BPTF: variants seen among roughly 807,000 people sequenced by gnomAD.
BPTF encodes the protein nucleosome-remodeling factor subunit BPTF.
A neutral mutation model predicts 292.5 loss-of-function variants in BPTF; 18 were observed. The ratio of observed to expected loss-of-function variants is 0.06; its 90% confidence interval spans 0.04 to 0.09. BPTF has a LOEUF of 0.09. Among genes scored for constraint, BPTF ranks in the 10% least tolerant of loss-of-function variants. The pLI, the probability that BPTF is intolerant of heterozygous loss-of-function variation, is 1.00. For missense variants in BPTF, 2,726 were observed against 3,498.7 expected, an observed-to-expected ratio of 0.78 and a Z score of 5.57; for synonymous variants, 1,225 against 1,251.9, an observed-to-expected ratio of 0.98 and a Z score of 0.45.
chr17:67,948,585 T>G (rs1254598217), intron 23 of BPTF, among the ~76,000 whole-genome samples: 2 of 152,220 alleles, frequency 1.3e-5, no homozygotes, highest in African/African-American at 2.4e-5. Flanking sequence ...GCTTTTCATG[T>G]CTATGACATA....
At chr17:67,934,221 G>A (rs955575655) in intron 18 of BPTF, among the ~76,000 whole-genome samples, 36 of 151,702 alleles carry the variant, frequency 2.4e-4, no homozygotes, top group African/African-American at 6.3e-4. Flanking sequence ...AGATGTGTTA[G>A]GAAATAAAAG....
At chr17:67,966,791 A>G in intron 26 of BPTF, 135 bp downstream of exon 26, 1 of 771,324 alleles carries the variant, frequency 1.3e-6, no homozygotes, top group East Asian at 3.2e-5. Flanking sequence ...TGGAGGGTAA[A>G]TTGTTAGTAT....
At chr17:67,853,598 A>G (rs929204556) in intron 1 of BPTF, among the ~76,000 whole-genome samples, 3 of 150,524 alleles carry the variant, frequency 2.0e-5, no homozygotes, top group Non-Finnish European at 4.4e-5. Context: ...GCAGTTATTT[A>G]TTATTATTAT....
intron 11 of BPTF, among the ~76,000 whole-genome samples, chr17:67,917,176 G>A (rs1020531144): frequency 7.6e-5 from 9 of 119,006 alleles, no homozygotes; most frequent in South Asian, 2.7e-4. Context: ...ACTGCCGCCC[G>A]AGGTGGAGTG....
chr17:67,912,439 T>G lies in BPTF; in HGVS notation c.4555T>G (p.Ser1519Ala). ...ESDSTQTTTP[S>A]ASCPESNSVN... ...TGACAGTACACAGACGACCACACCC[T>G]CAGCATCTTGTCCAGAAAGCAATTC... is the stretch of plus-strand genomic sequence containing the variant. Residue 1519 changes from serine (S) to alanine (A), a missense_variant, in exon 11 of 28, where the codon TCA becomes GCA. By Grantham distance (99) the Ser-to-Ala change is moderately conservative. Transcript: ENST00000306378. The G allele has an allele frequency of 6.2e-7, 1 of 1,613,582 alleles. No homozygotes were observed. The highest frequency in any genetic ancestry group is 8.5e-7 in the Non-Finnish European group (1 of 1,179,902).
intron 16 of BPTF, 130 bp downstream of exon 16, chr17:67,928,731 G>GT (rs2064121346): frequency 2.5e-6 from 3 of 1,207,946 alleles, no homozygotes; most frequent in Admixed American, 2.9e-5. Context: ...CAAACAAGCT[G>GT]TAACGGTTGG....
Position 67,971,587 on chromosome 17 carries a change from TGAGTTCAA to T in BPTF, c.8540-4174_8540-4167del, listed in dbSNP as rs573613435. Reference sequence around the variant, plus strand: ...TTGGGAGGCTGAGGCAGGCGGATCATGAGTTCAAGAGTTCAAGACCAGCCTGGCCAACA... The same window carrying T: ...TTGGGAGGCTGAGGCAGGCGGATCATGAGTTCAAGACCAGCCTGGCCAACA... On this transcript the variant is annotated intron_variant, in intron 26 of 27. Coordinates refer to ENST00000306378, the MANE Select transcript of BPTF (RefSeq NM_182641.4). Among the ~76,000 whole-genome samples the T allele has an allele frequency of 2.1e-3, 321 of 151,914 alleles. 1 individual carries two copies. The highest frequency in any genetic ancestry group is 7.2e-3 in the African/African-American group (297 of 41,464).
At chr17:67,901,969 C>T (rs922767755) in intron 7 of BPTF, among the ~76,000 whole-genome samples, 1 of 152,218 alleles carries the variant, frequency 6.6e-6, no homozygotes, top group Non-Finnish European at 1.5e-5. Flanking sequence ...CCACAAAACC[C>T]TGAGCACCAG....
rs2147171270 is a variant in BPTF at position 67,920,094 on chromosome 17, T to C, written c.5508T>C (p.Tyr1836=). 1 of 1,612,184 alleles carries C rather than the reference T, an allele frequency of 6.2e-7. No individual in the cohort carries two copies. Among genetic ancestry groups the C allele is most frequent in the East Asian group, 2.2e-5 (1 of 44,842 alleles). ...GTCCTTATGGCATTCGATCTGAATA[T>C]TGTATCAGGAAAATCATTTGTCCCA... ...DVGPYGIRSE[Y]CIRKIICPIG... Residue 1836 remains tyrosine, a synonymous_variant, in exon 13 of 28, where the codon TAT becomes TAC. Transcript: ENST00000306378.
chr17:67,970,863 C>T (rs180911281), intron 26 of BPTF, among the ~76,000 whole-genome samples: 2 of 152,246 alleles, frequency 1.3e-5, no homozygotes, highest in African/African-American at 2.4e-5. Context: ...CTAGTATAAA[C>T]AACATGCCAC....
intron 24 of BPTF, among the ~76,000 whole-genome samples, chr17:67,964,010 T>C (rs1371079814): frequency 6.6e-6 from 1 of 152,218 alleles, no homozygotes; most frequent in Non-Finnish European, 1.5e-5. Context: ...TACACAGTGT[T>C]CTTATAAATT....
intron 2 of BPTF, among the ~76,000 whole-genome samples, chr17:67,865,733 GT>G (rs1454716523): frequency 6.6e-6 from 1 of 152,140 alleles, no homozygotes; most frequent in Non-Finnish European, 1.5e-5. Flanking sequence ...TAATTTGCCT[GT>G]TTGTTTTAAG....
intron 24 of BPTF, chr17:67,960,433 A>T (rs1292352906): frequency 1.3e-5 from 2 of 152,260 alleles, no homozygotes; most frequent in African/African-American, 4.8e-5. Context: ...AAATACAAAA[A>T]GTGTTCCTTT....
chr17:67,826,866 C>T (rs964497560), intron 1 of BPTF, among the ~76,000 whole-genome samples: 1 of 152,036 alleles, frequency 6.6e-6, no homozygotes, highest in Non-Finnish European at 1.5e-5. Context: ...GTTTTCACAC[C>T]CCTAGCTGTG....
At chr17:67,827,973 C>T (rs1200651398) in intron 1 of BPTF, among the ~76,000 whole-genome samples, 1 of 140,712 alleles carries the variant, frequency 7.1e-6, no homozygotes, top group Non-Finnish European at 1.5e-5. Flanking sequence ...GCTCTGTCGT[C>T]TGGGCTGGAG....
intron 24 of BPTF, 186 bp downstream of exon 24, chr17:67,960,061 T>C (rs974025974): frequency 1.9e-6 from 1 of 523,294 alleles, no homozygotes; most frequent in Admixed American, 3.8e-5. Context: ...ATTTGCTATT[T>C]CACGTGTTTG....
chr17:67,904,032 T>C, intron 8 of BPTF, 114 bp downstream of exon 8: 1 of 961,724 alleles, frequency 1.0e-6, no homozygotes. Context: ...TTTTATTTAT[T>C]TATTTATTTA....
Position 67,866,577 on chromosome 17 carries a change from G to T in BPTF, c.1550G>T (p.Cys517Phe), listed in dbSNP as rs750759054. The change falls in exon 3 of 28, where the codon TGC (cysteine) becomes TTC (phenylalanine). Residue 517 changes from cysteine (C) to phenylalanine (F), a missense_variant. This residue lies in a region of BPTF where 187 missense variants were observed against 201.5 expected (regional missense o/e 0.93). Coordinates refer to ENST00000306378, the MANE Select transcript of BPTF (RefSeq NM_182641.4). ...AAAGATTATTGGGAAGCAGAACTCT[G>T]CAAAATTCTAGAAGAAATGCGTGAA... is the stretch of plus-strand genomic sequence containing the variant. ...LDKDYWEAEL[C>F]KILEEMREEI... 2.2e-5 allele frequency: 35 copies of T among 1,613,912 alleles called. No individual in the cohort carries two copies. Among genetic ancestry groups the T allele is most frequent in the Non-Finnish European group, 2.9e-5 (34 of 1,179,936 alleles).
chr17:67,852,161 C>A (rs1319685512), intron 1 of BPTF, among the ~76,000 whole-genome samples: 6 of 151,938 alleles, frequency 3.9e-5, no homozygotes, highest in Non-Finnish European at 2.9e-5. Context: ...AAACTTGAAT[C>A]TTTGAATTTA....
Sources: allele counts gnomAD v4.1 joint callset (sites outside exome capture counted in the v4.1 genomes callset), GRCh38; gene constraint gnomAD v4.1.1; regional missense constraint gnomAD v4.1.1; transcripts MANE v1.5; gene names NCBI Gene and HGNC (gene_info 2026-07-23, HGNC 2026-07-21).